The following METTL2A variants were observed in gnomAD, a reference collection of about 807,000 sequenced individuals.
METTL2A encodes the protein tRNA N(3)-cytidine methyltransferase METTL2A.
Under a neutral mutation model 49.4 loss-of-function variants are expected in METTL2A, and 45 were observed. The observed-to-expected ratio is 0.91, with a 90% CI of 0.72 to 1.17. The LOEUF is 1.17. METTL2A is among the 50% of genes most tolerant of loss of function. The pLI is 0.00. For synonymous variants in METTL2A, 118 were observed against 167.5 expected (o/e 0.70, Z 2.28); for missense variants, 361 against 462.2 (o/e 0.78, Z 2.01).
In METTL2A at chr17:62,448,669, A is replaced by C; in HGVS notation, c.1077A>C (p.Thr359=). The C allele has an allele frequency of 1.9e-6, 3 of 1,614,202 alleles. No homozygotes were observed. Among genetic ancestry groups the C allele is most frequent in the Non-Finnish European group, 2.5e-6 (3 of 1,180,028 alleles). ...RLQVNRGKQL[T]MYRVWIQCKY... ...AGGTGAACCGAGGAAAGCAACTGAC[A>C]ATGTACCGGGTTTGGATTCAGTGCA... is the stretch of plus-strand genomic sequence containing the variant. The change falls in exon 9 of 9, where the codon ACA becomes ACC. Residue 359 remains threonine (T), a synonymous_variant. Coordinates refer to ENST00000311506, the MANE Select transcript of METTL2A (RefSeq NM_181725.4).
chr17:62,426,027 A>G (rs1475563548), intron 2 of METTL2A, among the ~76,000 whole-genome samples: 1 of 151,220 alleles, frequency 6.6e-6, no homozygotes, highest in Non-Finnish European at 1.5e-5. Context: ...GCATCCAAAG[A>G]TGTAGGAGGA....
rs1237600319 is a variant in METTL2A, at chr17:62,451,932, C to T, written c.*3203C>T. 3.4e-5 allele frequency among the ~76,000 whole-genome samples: 5 copies of T among 144,932 alleles called. No homozygotes were observed. Among genetic ancestry groups the T allele is most frequent in the Admixed American group, 1.4e-4 (2 of 14,040 alleles). ...AAAATTAGCTGGGCATGGTGGTGGG[C>T]GCCTGTAATCCCAGCTATTTGGGAG... is the stretch of plus-strand genomic sequence containing the variant. On this transcript the variant is annotated 3_prime_UTR_variant, in exon 9 of 9. Coordinates refer to ENST00000311506, the MANE Select transcript of METTL2A (RefSeq NM_181725.4).
intron 4 of METTL2A, among the ~76,000 whole-genome samples, chr17:62,430,432 A>C (rs2923247): frequency 6.6e-6 from 1 of 152,168 alleles, no homozygotes; most frequent in African/African-American, 2.4e-5. Context: ...CTTAGAATTG[A>C]CATGTTTTCT....
intron 5 of METTL2A, among the ~76,000 whole-genome samples, chr17:62,435,819 C>T (rs1313306752): frequency 6.6e-6 from 1 of 152,220 alleles, no homozygotes; most frequent in African/African-American, 2.4e-5. Flanking sequence ...TCATACTCTA[C>T]AGTGTCCTCT....
At chr17:62,439,904 A>G (rs1375949265) in intron 5 of METTL2A, among the ~76,000 whole-genome samples, 1 of 152,162 alleles carries the variant, frequency 6.6e-6, no homozygotes, top group Non-Finnish European at 1.5e-5. Flanking sequence ...TTTAAAAGCA[A>G]CTATTAGATT....
At chr17:62,445,559 G>T (rs954822335) in intron 7 of METTL2A, among the ~76,000 whole-genome samples, 8 of 152,150 alleles carry the variant, frequency 5.3e-5, no homozygotes, top group Non-Finnish European at 1.0e-4. Context: ...AACACTTTGG[G>T]AGGCCGAGGT....
intron 4 of METTL2A, among the ~76,000 whole-genome samples, chr17:62,431,284 A>G (rs554774607): frequency 6.6e-6 from 1 of 152,000 alleles, no homozygotes; most frequent in East Asian, 1.9e-4. Flanking sequence ...TACAGGCATG[A>G]GCCACCATGC....
chr17:62,447,816 A>G (rs773167303), intron 8 of METTL2A, 50 bp downstream of exon 8: 5 of 1,609,178 alleles, frequency 3.1e-6, no homozygotes, highest in African/African-American at 1.3e-5. Flanking sequence ...ACCAGATGAG[A>G]TGGTCTTCAA....
intron 4 of METTL2A, among the ~76,000 whole-genome samples, chr17:62,428,604 C>T (rs2070643962): frequency 6.6e-6 from 1 of 152,158 alleles, no homozygotes; most frequent in Non-Finnish European, 1.5e-5. Context: ...TCACAGAACT[C>T]AGGGAAACAC....
chr17:62,452,906 T>A lies in METTL2A; in HGVS notation c.*4177T>A, dbSNP rs1244885351. On this transcript the variant is annotated 3_prime_UTR_variant, in exon 9 of 9. Transcript: ENST00000311506. ...ATGAGCCACTGCGACTGGCCCCACT[T>A]AATGGGTTTTCAGAGGTGGGAGCAA... Among the ~76,000 whole-genome samples the A allele has an allele frequency of 2.6e-5, 4 of 152,260 alleles. No homozygotes were observed. Among genetic ancestry groups the A allele is most frequent in the Non-Finnish European group, 5.9e-5 (4 of 68,008 alleles).
rs1055096755 is a variant in METTL2A, at chr17:62,440,123, T to G, written c.670-494T>G. Among the ~76,000 whole-genome samples the G allele has an allele frequency of 3.9e-5, 6 of 151,974 alleles. No homozygotes were observed. In the East Asian group the frequency reaches 9.7e-4, roughly 25 times the overall value. On this transcript the variant is annotated intron_variant, in intron 5 of 8. Coordinates refer to ENST00000311506, the MANE Select transcript of METTL2A (RefSeq NM_181725.4). ...TCACTGCAACCTCTGCCTCCTGGGT[T>G]CAAGCGATTCTCCTGCCTCAGCCTC... is the stretch of plus-strand genomic sequence containing the variant.
intron 4 of METTL2A, among the ~76,000 whole-genome samples, chr17:62,430,264 A>G (rs1485437740): frequency 1.3e-5 from 2 of 152,230 alleles, no homozygotes; most frequent in Non-Finnish European, 2.9e-5. Context: ...CAAATGGGAG[A>G]TTGACTTAGC....
chr17:62,424,064 C>T lies in METTL2A; in HGVS notation c.110+52C>T, dbSNP rs183569152. The T allele has an allele frequency of 1.6e-4, 255 of 1,596,664 alleles. No homozygotes were observed. The East Asian group carries it at 5.7e-3, about 35-fold the overall frequency. ...CTGTCGCTGACCCTCTGTCCCGCCGCCTCGGAGCACTCCGAAAAGCCCCTG... is the reference window on the plus strand; with the variant it reads ...CTGTCGCTGACCCTCTGTCCCGCCGTCTCGGAGCACTCCGAAAAGCCCCTG... On this transcript the variant is annotated intron_variant, in intron 1 of 8. Coordinates refer to ENST00000311506, the MANE Select transcript of METTL2A (RefSeq NM_181725.4).
rs1194407154 is a variant in METTL2A at position 62,452,871 on chromosome 17, A to T, written c.*4142A>T. Among the ~76,000 whole-genome samples the T allele has an allele frequency of 6.6e-6, 1 of 152,118 alleles. No homozygotes were observed. The highest frequency in any genetic ancestry group is 1.5e-5 in the Non-Finnish European group (1 of 68,022). On this transcript the variant is annotated 3_prime_UTR_variant, in exon 9 of 9. Transcript: ENST00000311506. ...GCAATCCTCCCACCTCGGCCTCCCA[A>T]AGTGCTGGGATGAGCCACTGCGACT...
At position 62,448,853 on chromosome 17, in the gene METTL2A, G is replaced by C; in HGVS notation, c.*124G>C. On this transcript the variant is annotated 3_prime_UTR_variant, in exon 9 of 9. Transcript: ENST00000311506. ...GCCACTCAGGAGGCTGAGGCGGGGA[G>C]GATCCATTGAGCCCAGCAGTCCAAC... is the stretch of plus-strand genomic sequence containing the variant. The C allele has an allele frequency of 6.8e-7, 1 of 1,472,986 alleles. No individual in the cohort carries two copies. Among genetic ancestry groups the C allele is most frequent in the Non-Finnish European group, 9.1e-7 (1 of 1,104,294 alleles). The allele number at this position is 1,472,986 out of a possible 1,614,324, so 91.2% of individuals were successfully genotyped here. A position where few individuals can be genotyped will look rare whatever the true frequency, so the allele number is the denominator to read the frequency against.
intron 5 of METTL2A, among the ~76,000 whole-genome samples, chr17:62,438,354 C>T (rs1437290724): frequency 6.6e-6 from 1 of 150,996 alleles, no homozygotes; most frequent in Admixed American, 6.6e-5. Context: ...TTGTAGTGAG[C>T]CAAGATCACG....
chr17:62,431,896 T>G (rs1475961210), intron 4 of METTL2A, among the ~76,000 whole-genome samples: 1 of 152,120 alleles, frequency 6.6e-6, no homozygotes, highest in African/African-American at 2.4e-5. Context: ...AATTTTTGTA[T>G]TTTTAGAAGA....
rs4728116 is a variant in METTL2A at position 62,452,329 on chromosome 17, T to G, written c.*3600T>G. Among the ~76,000 whole-genome samples, 114,438 of 152,126 alleles carry G rather than the reference T, an allele frequency of 0.75. 50,980 individuals are homozygous for G. Among genetic ancestry groups the G allele is most frequent in the Non-Finnish European group, 1 (67,686 of 68,012 alleles). On this transcript the variant is annotated 3_prime_UTR_variant, in exon 9 of 9. Coordinates refer to ENST00000311506, the MANE Select transcript of METTL2A (RefSeq NM_181725.4). ...ACATGATTATGAATTTCCCCATTAT[T>G]GGTGATGTCACTTAGTTGTGTTGTC...
chr17:62,427,470 A>G (rs544527218), intron 3 of METTL2A, among the ~76,000 whole-genome samples: 3 of 152,226 alleles, frequency 2.0e-5, no homozygotes, highest in Admixed American at 1.3e-4. Context: ...ATATTTTCAC[A>G]ATAATAATAT....
Sources: allele counts gnomAD v4.1 joint callset (sites outside exome capture counted in the v4.1 genomes callset), GRCh38; gene constraint gnomAD v4.1.1; transcripts MANE v1.5; gene names NCBI Gene and HGNC (gene_info 2026-07-23, HGNC 2026-07-21).